The following SLC8A1 variants were observed in gnomAD, a reference collection of about 807,000 sequenced individuals.
The protein encoded by SLC8A1 is solute carrier family 8 member A1.
A neutral mutation model predicts 68.3 loss-of-function variants in SLC8A1; 18 were observed. The observed-to-expected ratio is 0.26, with a 90% CI of 0.18 to 0.39. The LOEUF (loss-of-function observed/expected upper bound fraction) is 0.39, where lower values mean the gene tolerates loss of function less well. SLC8A1 is among the 10% of genes least tolerant of loss of function. The pLI is 1.00. For missense variants in SLC8A1, 985 were observed against 1,156.7 expected (o/e 0.85, Z 2.15); for synonymous variants, 475 against 415.5 (o/e 1.14, Z -1.74).
At chr2:40,286,680 G>A (rs182170971) in intron 2 of SLC8A1, among the ~76,000 whole-genome samples, 1 of 152,286 alleles carries the variant, frequency 6.6e-6, no homozygotes, top group East Asian at 1.9e-4. Flanking sequence ...TCCATGGTCC[G>A]GAGCTGATGG....
intron 2 of SLC8A1, among the ~76,000 whole-genome samples, chr2:40,267,896 G>C (rs889909887): frequency 3.3e-5 from 5 of 152,152 alleles, no homozygotes; most frequent in African/African-American, 1.2e-4. Flanking sequence ...TCCTTGAGTA[G>C]CTCCCTCACT....
chr2:40,418,371 C>A (rs1252829904), intron 2 of SLC8A1, among the ~76,000 whole-genome samples: 1 of 152,160 alleles, frequency 6.6e-6, no homozygotes, highest in Non-Finnish European at 1.5e-5. Flanking sequence ...CCAGAAACAA[C>A]CCACAAAGGG....
chr2:40,179,919 G>C (rs1166785695), intron 2 of SLC8A1, among the ~76,000 whole-genome samples: 1 of 152,064 alleles, frequency 6.6e-6, no homozygotes, highest in Non-Finnish European at 1.5e-5. Flanking sequence ...CAAATGATTG[G>C]TTCTGGTTCC....
chr2:40,131,435 G>A (rs568505147), intron 7 of SLC8A1, among the ~76,000 whole-genome samples: 1 of 152,320 alleles, frequency 6.6e-6, no homozygotes, highest in South Asian at 2.1e-4. Context: ...CTGATTCCCT[G>A]CTGTCCTTCA....
At chr2:40,228,849 T>A (rs2059308750) in intron 2 of SLC8A1, among the ~76,000 whole-genome samples, 1 of 152,156 alleles carries the variant, frequency 6.6e-6, no homozygotes, top group Non-Finnish European at 1.5e-5. Flanking sequence ...GCTATACCTA[T>A]TGTTAGAGAA....
chr2:40,284,512 T>C (rs981623604), intron 2 of SLC8A1, among the ~76,000 whole-genome samples: 6 of 147,344 alleles, frequency 4.1e-5, no homozygotes, highest in African/African-American at 1.5e-4. Flanking sequence ...CAACAATATA[T>C]ATAGACAACA....
chr2:40,120,649 T>C (rs927916760), intron 7 of SLC8A1: 6 of 152,254 alleles, frequency 3.9e-5, no homozygotes, highest in African/African-American at 1.4e-4. Flanking sequence ...AACTGATGAT[T>C]ATAACTATTT....
At chr2:40,263,099 A>G (rs2149101512) in intron 2 of SLC8A1, among the ~76,000 whole-genome samples, 1 of 152,384 alleles carries the variant, frequency 6.6e-6, no homozygotes, top group East Asian at 1.9e-4. Context: ...AAAAACCTAC[A>G]GAGCAGAGTG....
chr2:40,273,096 C>T (rs2066254457), intron 2 of SLC8A1, among the ~76,000 whole-genome samples: 1 of 152,112 alleles, frequency 6.6e-6, no homozygotes. Flanking sequence ...GCGCGCGCCA[C>T]CAAGTCCGGC....
intron 5 of SLC8A1, among the ~76,000 whole-genome samples, chr2:40,161,502 G>A (rs558258704): frequency 3.5e-4 from 53 of 152,252 alleles, no homozygotes; most frequent in African/African-American, 1.2e-3. Context: ...TTTAGGGCAC[G>A]TTGCAGTTTA....
intron 2 of SLC8A1, among the ~76,000 whole-genome samples, chr2:40,376,883 A>G (rs1047161285): frequency 6.6e-6 from 1 of 152,114 alleles, no homozygotes; most frequent in Non-Finnish European, 1.5e-5. Context: ...CCATATGTCT[A>G]TTATAATTAC....
intron 2 of SLC8A1, among the ~76,000 whole-genome samples, chr2:40,392,711 A>G (rs548619713): frequency 2.6e-5 from 4 of 152,210 alleles, no homozygotes; most frequent in African/African-American, 9.6e-5. Flanking sequence ...CTTGTTTGTT[A>G]GTAATGAAAT....
intron 2 of SLC8A1, among the ~76,000 whole-genome samples, chr2:40,192,662 C>T (rs1220232070): frequency 6.6e-6 from 1 of 151,974 alleles, no homozygotes; most frequent in African/African-American, 2.4e-5. Flanking sequence ...GGCCAGGAAA[C>T]TCTTAGAAGA....
At chr2:40,209,214 C>T (rs914792398) in intron 2 of SLC8A1, 2 of 152,050 alleles carry the variant, frequency 1.3e-5, no homozygotes, top group Admixed American at 6.6e-5. Flanking sequence ...ATAGGATCAT[C>T]AAGGTAGGCC....
At chr2:40,341,377 C>A (rs1667643047) in intron 2 of SLC8A1, among the ~76,000 whole-genome samples, 1 of 152,202 alleles carries the variant, frequency 6.6e-6, no homozygotes, top group Non-Finnish European at 1.5e-5. Context: ...CCCTGACTAA[C>A]TTCTAGTTAG....
At chr2:40,418,245 CTT>C (rs1306066549) in intron 2 of SLC8A1, among the ~76,000 whole-genome samples, 1 of 152,132 alleles carries the variant, frequency 6.6e-6, no homozygotes, top group Non-Finnish European at 1.5e-5. Context: ...TACTTCTACA[CTT>C]ATATATTCAT....
chr2:40,298,183 G>A (rs2149256883), intron 2 of SLC8A1, among the ~76,000 whole-genome samples: 1 of 152,220 alleles, frequency 6.6e-6, no homozygotes, highest in African/African-American at 2.4e-5. Flanking sequence ...TGCCTGGTCT[G>A]TACATCCTAA....
intron 2 of SLC8A1, among the ~76,000 whole-genome samples, chr2:40,407,860 A>C (rs1316981639): frequency 6.6e-6 from 1 of 152,186 alleles, no homozygotes; most frequent in Non-Finnish European, 1.5e-5. Context: ...AACTCTCTTT[A>C]CAAGGAGCCA....
chr2:40,282,725 T>G (rs6544315), intron 2 of SLC8A1, among the ~76,000 whole-genome samples: 80,780 of 151,792 alleles, frequency 0.53, 24,125 homozygotes, highest in African/African-American at 0.8. Context: ...TTTTAAAGAG[T>G]GTCATCATTT....
Sources: gnomAD v4.1 joint callset for allele counts (sites outside exome capture counted in the v4.1 genomes callset) on GRCh38, gnomAD v4.1.1 for gene constraint, MANE v1.5 for transcripts, NCBI Gene and HGNC (gene_info 2026-07-23, HGNC 2026-07-21) for gene names.